Variants in LRRK2 observed in about 807,000 individuals in gnomAD.
LRRK2 encodes the protein leucine-rich repeat serine/threonine-protein kinase 2.
LRRK2 carries 203 observed loss-of-function variants against 302.6 expected under a neutral mutation model. That is an observed-to-expected ratio of 0.67 (90% confidence interval 0.60 to 0.75). The LOEUF (loss-of-function observed/expected upper bound fraction) is 0.75. LRRK2 is among the 30% of genes least tolerant of loss of function. LRRK2 has a pLI of 0.00. For missense variants in LRRK2, 2,830 were observed against 2,951.0 expected (o/e 0.96, Z 0.95); for synonymous variants, 1,066 against 1,031.9 (o/e 1.03, Z -0.63).
chr12:40,360,586 C>T (rs1272782235), intron 47 of LRRK2, among the ~76,000 whole-genome samples: 1 of 152,110 alleles, frequency 6.6e-6, no homozygotes, highest in Non-Finnish European at 1.5e-5. Flanking sequence ...GCATTGCAGA[C>T]AGAGGGACCT....
chr12:40,277,771 C>T, intron 16 of LRRK2, 117 bp from the exon 17 acceptor site: 2 of 948,852 alleles, frequency 2.1e-6, no homozygotes, highest in Non-Finnish European at 1.6e-6. Flanking sequence ...CCCAATATAT[C>T]TATAGTTAAA....
At chr12:40,256,362 C>A (rs1442347633) in intron 11 of LRRK2, among the ~76,000 whole-genome samples, 1 of 152,110 alleles carries the variant, frequency 6.6e-6, no homozygotes, top group Non-Finnish European at 1.5e-5. Context: ...AGGAGGATCA[C>A]TTGAGGCCAG....
intron 39 of LRRK2, among the ~76,000 whole-genome samples, chr12:40,329,380 C>T (rs972905261): frequency 1.3e-5 from 2 of 152,164 alleles, no homozygotes; most frequent in Non-Finnish European, 2.9e-5. Context: ...GCTATTCTTT[C>T]TCCTTTTCCC....
intron 13 of LRRK2, among the ~76,000 whole-genome samples, chr12:40,261,656 T>A (rs1174560616): frequency 6.6e-6 from 1 of 152,154 alleles, no homozygotes; most frequent in Admixed American, 6.6e-5. Flanking sequence ...TATCAACAAG[T>A]AACTATGGTA....
In LRRK2 at chr12:40,320,592, G is replaced by A. The variant is rs144759232; in HGVS notation, c.5015+417G>A. On this transcript the variant is annotated intron_variant, in intron 34 of 50. Transcript: ENST00000298910. ...CATCACAATGGATGCCTATGTTTTA[G>A]CCTATACTATGGAAATTTTTCCTAC... 1.1e-3 allele frequency among the ~76,000 whole-genome samples: 166 copies of A among 152,082 alleles called. 5 individuals carry two copies. In the East Asian group the frequency reaches 0.023, roughly 21 times the overall value.
intron 50 of LRRK2, 35 bp downstream of exon 50, chr12:40,367,112 G>A (rs1392482897): frequency 4.1e-6 from 6 of 1,456,946 alleles, no homozygotes; most frequent in Admixed American, 1.7e-5. Context: ...TCCAAACAGG[G>A]CAATGATGTG....
intron 32 of LRRK2, among the ~76,000 whole-genome samples, chr12:40,314,606 G>A (rs1314648487): frequency 6.6e-6 from 1 of 152,028 alleles, no homozygotes; most frequent in African/African-American, 2.4e-5. Flanking sequence ...TCCCTGAGAT[G>A]ATGCAGCTTC....
rs200211192 is a variant in LRRK2, at chr12:40,277,876, T to G, written c.1942-12T>G. On this transcript the variant is annotated splice_polypyrimidine_tract_variant and intron_variant, in intron 16 of 50. Coordinates refer to ENST00000298910, the MANE Select transcript of LRRK2 (RefSeq NM_198578.4). ...ATTGCTTATTTTATTATTTTTTTTCTTATACTTTTAGGGATTTCAGACAAT... is the reference window on the plus strand; with the variant it reads ...ATTGCTTATTTTATTATTTTTTTTCGTATACTTTTAGGGATTTCAGACAAT... 3.1e-6 allele frequency: 5 copies of G among 1,588,118 alleles called. No homozygotes were observed. In the South Asian group the frequency reaches 3.4e-5, roughly 11 times the overall value.
chr12:40,278,108 C>G lies in LRRK2; in HGVS notation c.2088C>G (p.Cys696Trp). ...CTTTTTAGTTTCTAAACCTCTGTTG[C>G]AAGTGTTTTGCAAAAGTAGCTATGG... ...QKDQQFLNLC[C>W]KCFAKVAMDD... Residue 696 changes from cysteine to tryptophan, a missense_variant, in exon 18 of 51, where the codon TGC becomes TGG. This residue lies in a region of LRRK2 where 2,121 missense variants were observed against 2,148.0 expected (regional missense o/e 0.99). Coordinates refer to ENST00000298910, the MANE Select transcript of LRRK2 (RefSeq NM_198578.4). 6.2e-7 allele frequency: 1 copy of G among 1,613,964 alleles called. No homozygotes were observed.
intron 43 of LRRK2, among the ~76,000 whole-genome samples, chr12:40,350,194 C>T (rs1946311314): frequency 6.6e-6 from 1 of 152,174 alleles, no homozygotes; most frequent in Admixed American, 6.5e-5. Flanking sequence ...TAGGTACAGT[C>T]CCTTTACTAA....
At position 40,274,910 on chromosome 12, in the gene LRRK2, T is replaced by C; in HGVS notation, c.1858T>C (p.Phe620Leu). The C allele has an allele frequency of 6.2e-7, 1 of 1,613,532 alleles. No homozygotes were observed. Among genetic ancestry groups the C allele is most frequent in the Non-Finnish European group, 8.5e-7 (1 of 1,179,524 alleles). The change falls in exon 16 of 51, where the codon TTC (phenylalanine) becomes CTC (leucine). Residue 620 changes from phenylalanine (F) to leucine (L), a missense_variant. Phe to Leu is a conservative substitution (Grantham distance 22). Around this residue, in one of 3 missense-constraint regions of LRRK2, gnomAD observed 2,121 missense variants for 2,148.0 expected, o/e 0.99. Coordinates refer to ENST00000298910, the MANE Select transcript of LRRK2 (RefSeq NM_198578.4). ...IGYLITKKNV[F>L]IGTGHLLAKI... ...ATACTTGATTACAAAGAAGAATGTG[T>C]TCATAGGAACTGGACATCTGCTGGC...
intron 12 of LRRK2, 59 bp downstream of exon 12, chr12:40,257,436 A>G (rs1942569873): frequency 1.9e-6 from 3 of 1,555,554 alleles, no homozygotes; most frequent in Non-Finnish European, 2.7e-6. Flanking sequence ...TAGAATATCA[A>G]TATTTCAAGC....
At chr12:40,349,349 G>T (rs1412880434) in intron 43 of LRRK2, among the ~76,000 whole-genome samples, 2 of 151,846 alleles carry the variant, frequency 1.3e-5, no homozygotes, top group Non-Finnish European at 2.9e-5. Context: ...TCTCATCCAG[G>T]AATATTTTAA....
At chr12:40,309,000 G>A (rs540683151) in intron 29 of LRRK2, 106 bp from the exon 30 acceptor site, 3 of 1,240,688 alleles carry the variant, frequency 2.4e-6, no homozygotes, top group Non-Finnish European at 2.3e-6. Flanking sequence ...TCTCTTATTA[G>A]TATGCTAAAT....
intron 11 of LRRK2, among the ~76,000 whole-genome samples, chr12:40,256,604 GTTCTATGTA>G (rs1233809635): frequency 6.6e-6 from 1 of 152,202 alleles, no homozygotes; most frequent in African/African-American, 2.4e-5. Context: ...AATTACTTAT[GTTCTATGTA>G]AATGCTTTCC....
chr12:40,329,926 T>C (rs76400760), intron 39 of LRRK2, among the ~76,000 whole-genome samples: 79 of 152,308 alleles, frequency 5.2e-4, no homozygotes, highest in African/African-American at 1.9e-3. Context: ...AAAAGATATA[T>C]ATTTTCATCA....
intron 49 of LRRK2, chr12:40,366,356 T>G (rs1217214502): frequency 6.6e-6 from 1 of 151,980 alleles, no homozygotes; most frequent in African/African-American, 2.4e-5. Context: ...AGGTCAAAGT[T>G]CCCGCTTTGG....
chr12:40,363,597 T>C, intron 48 of LRRK2, 43 bp downstream of exon 48: 1 of 1,595,658 alleles, frequency 6.3e-7, no homozygotes. Context: ...AAGAATTATC[T>C]TTGCACTTCA....
intron 25 of LRRK2, among the ~76,000 whole-genome samples, chr12:40,299,571 C>A (rs1445249776): frequency 6.6e-6 from 1 of 151,908 alleles, no homozygotes; most frequent in Admixed American, 6.6e-5. Context: ...CAATGGTTGT[C>A]AGGGGTTAGG....
Sources: allele counts gnomAD v4.1 joint callset (sites outside exome capture counted in the v4.1 genomes callset), GRCh38; gene constraint gnomAD v4.1.1; regional missense constraint gnomAD v4.1.1; transcripts MANE v1.5; gene names NCBI Gene and HGNC (gene_info 2026-07-23, HGNC 2026-07-21).